YWHAZ: variants seen among roughly 807,000 people sequenced by gnomAD.
YWHAZ encodes tyrosine 3-monooxygenase/tryptophan 5-monooxygenase activation protein zeta.
For missense variants in YWHAZ, 79 were observed against 284.8 expected, an observed-to-expected ratio of 0.28 and a Z score of 5.20; for synonymous variants, 87 against 103.6, an observed-to-expected ratio of 0.84 and a Z score of 0.97.
chr8:100,930,568 A>C (rs983952729), intron 2 of YWHAZ, among the ~76,000 whole-genome samples: 5 of 152,244 alleles, frequency 3.3e-5, no homozygotes, highest in African/African-American at 1.2e-4. Context: ...AATCTGTTGA[A>C]TCTTCCTGAA....
intron 1 of YWHAZ, among the ~76,000 whole-genome samples, chr8:100,949,491 G>T (rs1414347559): frequency 6.6e-6 from 1 of 151,840 alleles, no homozygotes; most frequent in Non-Finnish European, 1.5e-5. Context: ...AACAATTTGG[G>T]GGGGAATGAC....
Position 100,916,872 on chromosome 8 carries a change from TA to T in YWHAZ, c.*3820del, listed in dbSNP as rs1418823827. On this transcript the variant is annotated 3_prime_UTR_variant, in exon 6 of 6. Transcript: ENST00000395958. ...GAGACTGTGACTACTACCAGTCACA[TA>T]AAAGTATTTAATTAGTTTCACACTT... 2.0e-5 allele frequency: 3 copies of T among 149,992 alleles called. No individual in the cohort carries two copies. Among genetic ancestry groups the T allele is most frequent in the South Asian group, 2.1e-4 (1 of 4,670 alleles). The allele number at this position is 149,992 out of a possible 1,614,324, so 9.3% of individuals were successfully genotyped here. A position where few individuals can be genotyped will look rare whatever the true frequency, so the allele number is the denominator to read the frequency against.
intron 1 of YWHAZ, chr8:100,951,718 A>T: frequency 1.0e-6 from 1 of 985,290 alleles, no homozygotes; most frequent in Non-Finnish European, 1.2e-6. Flanking sequence ...GTCGATGCGG[A>T]AGCAAGGAGC....
rs2130041781 is a variant in YWHAZ at position 100,917,162 on chromosome 8, A to C, written c.*3531T>G. 1 of 152,146 alleles carries C rather than the reference A, an allele frequency of 6.6e-6. No individual in the cohort carries two copies. Among genetic ancestry groups the C allele is most frequent in the Middle Eastern group, 3.4e-3 (1 of 294 alleles). The allele number at this position is 152,146 out of a possible 1,614,324, so 9.4% of individuals were successfully genotyped here. ...GATAGCAGCTTCCAAATTGGCTTTG[A>C]CTCATTTTAAAATATGCATTGAGCC... On this transcript the variant is annotated 3_prime_UTR_variant, in exon 6 of 6. Transcript: ENST00000395958.
At chr8:100,951,295 C>T in intron 1 of YWHAZ, 2 of 984,728 alleles carry the variant, frequency 2.0e-6, no homozygotes, top group Non-Finnish European at 2.4e-6. Context: ...GCCTTTCCCT[C>T]GCGCTTGGGT....
At position 100,922,560 on chromosome 8, in the gene YWHAZ, AT is replaced by A. The variant is rs1813100718; in HGVS notation, c.678+1394del. On this transcript the variant is annotated intron_variant, in intron 5 of 5. Coordinates refer to ENST00000395958, the MANE Select transcript of YWHAZ (RefSeq NM_145690.3). The surrounding 1 kb of genome is among the most constrained non-coding windows in gnomAD (Gnocchi z 4.1). ...ACCACTATGCCCAGCTAATTTTTGT[AT>A]TTTTAGTAGAGATGGGGTTTCACCA... is the stretch of plus-strand genomic sequence containing the variant. The A allele has an allele frequency of 6.6e-6, 1 of 151,800 alleles. No individual in the cohort carries two copies. Among genetic ancestry groups the A allele is most frequent in the African/African-American group, 2.4e-5 (1 of 41,300 alleles). The allele number at this position is 151,800 out of a possible 1,614,324, so 9.4% of individuals were successfully genotyped here. A position where few individuals can be genotyped will look rare whatever the true frequency, so the allele number is the denominator to read the frequency against.
upstream of YWHAZ, chr8:100,952,653 G>C (rs1810887969): frequency 1.4e-5 from 6 of 422,762 alleles, no homozygotes; most frequent in Non-Finnish European, 1.9e-5. Flanking sequence ...GATGACAAGG[G>C]TGGCTCGGCG....
intron 2 of YWHAZ, among the ~76,000 whole-genome samples, chr8:100,926,335 T>G (rs941510153): frequency 7.2e-5 from 11 of 152,096 alleles, no homozygotes. Flanking sequence ...CTGCAATTAT[T>G]AACCGATATT....
chr8:100,926,909 T>C (rs1813402739), intron 2 of YWHAZ, among the ~76,000 whole-genome samples: 1 of 152,214 alleles, frequency 6.6e-6, no homozygotes, highest in African/African-American at 2.4e-5. Context: ...GTTTCATTGT[T>C]ACACAAATTG....
chr8:100,917,929 A>G lies in YWHAZ; in HGVS notation c.*2764T>C, dbSNP rs1325021020. Reference sequence around the variant, plus strand: ...CTTAATCTATTGGGAACTACTATGTAGAAAACATTAGTTAATACTAGTGAA... The same window carrying G: ...CTTAATCTATTGGGAACTACTATGTGGAAAACATTAGTTAATACTAGTGAA... On this transcript the variant is annotated 3_prime_UTR_variant, in exon 6 of 6. Coordinates refer to ENST00000395958, the MANE Select transcript of YWHAZ (RefSeq NM_145690.3). 6.6e-6 allele frequency: 1 copy of G among 152,246 alleles called. No individual in the cohort carries two copies. The highest frequency in any genetic ancestry group is 1.5e-5 in the Non-Finnish European group (1 of 68,042). 9.4% of individuals were successfully genotyped at this position (152,246 alleles called of 1,614,324 possible).
At chr8:100,931,887 T>C (rs964258353) in intron 2 of YWHAZ, 1 of 151,978 alleles carries the variant, frequency 6.6e-6, no homozygotes, top group Non-Finnish European at 1.5e-5. Context: ...AAAGTTTTCA[T>C]TCAAAAACAC....
chr8:100,920,448 G>A lies in YWHAZ; in HGVS notation c.*245C>T, dbSNP rs1255760297. ...GTACTATGCCAAACACTTATAACTTGTATAAAAATTCCACATCCCCATATT... is the reference window on the plus strand; with the variant it reads ...GTACTATGCCAAACACTTATAACTTATATAAAAATTCCACATCCCCATATT... On this transcript the variant is annotated 3_prime_UTR_variant, in exon 6 of 6. Coordinates refer to ENST00000395958, the MANE Select transcript of YWHAZ (RefSeq NM_145690.3). The A allele has an allele frequency of 5.6e-6, 3 of 533,424 alleles. No individual in the cohort carries two copies. The highest frequency in any genetic ancestry group is 1.9e-5 in the African/African-American group (1 of 51,654). The allele number at this position is 533,424 out of a possible 1,614,324, so 33.0% of individuals were successfully genotyped here.
At chr8:100,941,451 C>T (rs1189292835) in intron 2 of YWHAZ, among the ~76,000 whole-genome samples, 1 of 152,130 alleles carries the variant, frequency 6.6e-6, no homozygotes, top group Non-Finnish European at 1.5e-5. Flanking sequence ...AACTCTAGAT[C>T]CCAAAAATTG....
At chr8:100,923,772 A>G (rs1302838561) in intron 5 of YWHAZ, 183 bp downstream of exon 5, 6 of 478,602 alleles carry the variant, frequency 1.3e-5, no homozygotes, top group African/African-American at 2.0e-5. Context: ...TCAGTCTAAT[A>G]TTTCAGTTTC....
At chr8:100,921,239 G>A (rs1021945440) in intron 5 of YWHAZ, among the ~76,000 whole-genome samples, 1 of 152,082 alleles carries the variant, frequency 6.6e-6, no homozygotes, top group Non-Finnish European at 1.5e-5. Context: ...TCACTATGTT[G>A]GCCAAGATGG....
chr8:100,932,651 C>G (rs529665128), intron 2 of YWHAZ, among the ~76,000 whole-genome samples: 15 of 152,152 alleles, frequency 9.9e-5, no homozygotes, highest in Non-Finnish European at 2.1e-4. Flanking sequence ...AGATATTTGT[C>G]GAATACCTAG....
Position 100,924,353 on chromosome 8 carries a change from C to A in YWHAZ, c.419-55G>T. On this transcript the variant is annotated intron_variant, in intron 3 of 5. Transcript: ENST00000395958. This position sits in a 1 kb window ranked among gnomAD's most constrained non-coding sequence, Gnocchi z 5.7. ...ATAAAGTGTGCATTATATCTTCACC[C>A]CTCAAACCAAACCTTTAATATCTCA... is the stretch of plus-strand genomic sequence containing the variant. 6.5e-7 allele frequency: 1 copy of A among 1,545,146 alleles called. No homozygotes were observed. Among genetic ancestry groups the A allele is most frequent in the South Asian group, 1.2e-5 (1 of 81,756 alleles).
At chr8:100,947,724 T>C (rs965212488) in intron 2 of YWHAZ, among the ~76,000 whole-genome samples, 16 of 152,216 alleles carry the variant, frequency 1.1e-4, no homozygotes, top group African/African-American at 3.1e-4. Flanking sequence ...CATACTGAGT[T>C]CCAGATTCAG....
chr8:100,934,640 G>A (rs1028397095), intron 2 of YWHAZ, among the ~76,000 whole-genome samples: 1 of 152,108 alleles, frequency 6.6e-6, no homozygotes, highest in Non-Finnish European at 1.5e-5. Context: ...GGCAGAGGTT[G>A]TGCCATCTGC....
Sources: gnomAD v4.1 joint callset for allele counts (sites outside exome capture counted in the v4.1 genomes callset) on GRCh38, gnomAD v4.1.1 for gene constraint, Gnocchi (gnomAD v3.1) non-coding constraint, MANE v1.5 for transcripts, NCBI Gene and HGNC (gene_info 2026-07-23, HGNC 2026-07-21) for gene names.